CEP152: variants seen among roughly 807,000 people sequenced by gnomAD.
The protein encoded by CEP152 is centrosomal protein of 152 kDa.
Under a neutral mutation model 188.9 loss-of-function variants are expected in CEP152, and 132 were observed. The ratio of observed to expected loss-of-function variants is 0.70; its 90% CI spans 0.61 to 0.81. CEP152 has a LOEUF of 0.81. Among genes scored for constraint, CEP152 ranks in the 30% least tolerant of loss-of-function variants. The pLI is 0.00. For missense variants in CEP152, 1,914 were observed against 1,969.8 expected, an observed-to-expected ratio of 0.97 and a Z score of 0.54; for synonymous variants, 649 against 666.6, an observed-to-expected ratio of 0.97 and a Z score of 0.41.
At position 48,798,075 on chromosome 15, in the gene CEP152, T is replaced by C. The variant is rs570752505; in HGVS notation, c.88-24A>G. The C allele has an allele frequency of 3.8e-6, 6 of 1,590,600 alleles. No individual in the cohort carries two copies. The African/African-American group carries it at 4.0e-5, about 11-fold the overall frequency. On this transcript the variant is annotated intron_variant, in intron 2 of 26. Transcript: ENST00000380950. ...AACTGAGTCAAAAGGTCTGCATCAATATCATACCAACTTAAACACAAGACA... is the reference window on the plus strand; with the variant it reads ...AACTGAGTCAAAAGGTCTGCATCAACATCATACCAACTTAAACACAAGACA...
intron 24 of CEP152, among the ~76,000 whole-genome samples, chr15:48,742,320 G>A (rs763975953): frequency 6.6e-6 from 1 of 152,144 alleles, no homozygotes; most frequent in Non-Finnish European, 1.5e-5. Context: ...AATGATGACA[G>A]CTACATATAG....
intron 1 of CEP152, among the ~76,000 whole-genome samples, chr15:48,807,729 A>G (rs1447471703): frequency 1.3e-5 from 2 of 152,170 alleles, no homozygotes; most frequent in Non-Finnish European, 2.9e-5. Flanking sequence ...TTTCTCCTTC[A>G]TTAAGTTAGA....
At chr15:48,754,777 T>G (rs765423219) in intron 20 of CEP152, among the ~76,000 whole-genome samples, 6 of 152,178 alleles carry the variant, frequency 3.9e-5, no homozygotes, top group Non-Finnish European at 7.3e-5. Flanking sequence ...CCCAAGGAAT[T>G]AGGCCGGGGA....
At chr15:48,756,714 C>T (rs1027724011) in intron 19 of CEP152, among the ~76,000 whole-genome samples, 161 bp from the exon 20 acceptor site, 3 of 152,042 alleles carry the variant, frequency 2.0e-5, no homozygotes, top group Admixed American at 6.6e-5. Context: ...AAAAACTATA[C>T]TTACACTAAA....
At chr15:48,796,940 A>G (rs1279315761) in intron 5 of CEP152, among the ~76,000 whole-genome samples, 1 of 152,240 alleles carries the variant, frequency 6.6e-6, no homozygotes, top group African/African-American at 2.4e-5. Flanking sequence ...ACACAGAATT[A>G]CTGCTTTAAA....
intron 10 of CEP152, 120 bp downstream of exon 10, chr15:48,783,846 TAAAGAAA>T: frequency 1.5e-6 from 1 of 645,986 alleles, no homozygotes; most frequent in Admixed American, 3.2e-5. Context: ...TTCTTTTTTT[TAAAGAAA>T]TTTATTGCTG....
Position 48,756,488 on chromosome 15 carries a change from A to G in CEP152, c.2760T>C (p.Asn920=), listed in dbSNP as rs1894283748. The G allele has an allele frequency of 1.2e-6, 2 of 1,612,362 alleles. No homozygotes were observed. Among genetic ancestry groups the G allele is most frequent in the African/African-American group, 1.3e-5 (1 of 74,874 alleles). The change falls in exon 20 of 27, where the codon AAT becomes AAC. Residue 920 remains asparagine, a synonymous_variant. Coordinates refer to ENST00000380950, the MANE Select transcript of CEP152 (RefSeq NM_001194998.2). The part of the protein sequence containing the change: ...WKSELENMRK[N]ILPGKELEEK... Reference sequence around the variant, plus strand: ...CTTCCAATTCCTTTCCAGGAAGTATATTTTTCCTCATATTTTCAAGCTCAC... The same window carrying G: ...CTTCCAATTCCTTTCCAGGAAGTATGTTTTTCCTCATATTTTCAAGCTCAC...
At chr15:48,751,147 T>G (rs558868804) in intron 21 of CEP152, among the ~76,000 whole-genome samples, 12 of 152,326 alleles carry the variant, frequency 7.9e-5, no homozygotes, top group Middle Eastern at 3.4e-3. Flanking sequence ...TTTGTATTAT[T>G]TAATCCTTTC....
chr15:48,793,758 G>A (rs1897130426), intron 6 of CEP152, among the ~76,000 whole-genome samples: 1 of 152,184 alleles, frequency 6.6e-6, no homozygotes, highest in African/African-American at 2.4e-5. Flanking sequence ...GTCACTGATA[G>A]GAAAGTTTGA....
intron 9 of CEP152, among the ~76,000 whole-genome samples, chr15:48,787,169 T>TG (rs1555425521): frequency 1.3e-4 from 18 of 140,236 alleles, no homozygotes; most frequent in East Asian, 4.0e-4. Flanking sequence ...CTTCGTTTTT[T>TG]TTTTTTTTTT....
intron 12 of CEP152, 68 bp from the exon 13 acceptor site, chr15:48,772,759 G>A: frequency 5.2e-6 from 7 of 1,344,808 alleles, no homozygotes; most frequent in Non-Finnish European, 7.4e-6. Context: ...TTCCCTAAAA[G>A]CACTGACCAC....
chr15:48,742,154 A>C lies in CEP152; in HGVS notation c.3836-54T>G. 3.3e-6 allele frequency: 5 copies of C among 1,531,438 alleles called. No individual in the cohort carries two copies. In the South Asian group the frequency reaches 5.6e-5, roughly 17 times the overall value. The allele number at this position is 1,531,438 out of a possible 1,614,324, so 94.9% of individuals were successfully genotyped here. A position where few individuals can be genotyped will look rare whatever the true frequency, so the allele number is the denominator to read the frequency against. ...AATGTATGTTTATTAGCACTTTTTC[A>C]GAAACAGGAGGGGCAGACTTCAGAT... On this transcript the variant is annotated intron_variant, in intron 24 of 26. Transcript: ENST00000380950.
intron 20 of CEP152, among the ~76,000 whole-genome samples, chr15:48,755,434 C>T (rs1450392337): frequency 6.6e-6 from 1 of 151,676 alleles, no homozygotes; most frequent in African/African-American, 2.4e-5. Context: ...GTGGTCAGGC[C>T]CAGAAAACAG....
At chr15:48,786,700 A>G (rs1896656595) in intron 9 of CEP152, among the ~76,000 whole-genome samples, 2 of 152,184 alleles carry the variant, frequency 1.3e-5, no homozygotes, top group African/African-American at 4.8e-5. Flanking sequence ...ATAATAAAAC[A>G]AAGTAAAAAT....
intron 9 of CEP152, 73 bp from the exon 10 acceptor site, chr15:48,784,193 A>AT: frequency 2.2e-5 from 30 of 1,372,468 alleles, no homozygotes; most frequent in Non-Finnish European, 2.8e-5. Flanking sequence ...AAATTATGAT[A>AT]CATAATTAGA....
chr15:48,769,299 T>C (rs941899322), intron 13 of CEP152, among the ~76,000 whole-genome samples: 2 of 152,180 alleles, frequency 1.3e-5, no homozygotes, highest in Non-Finnish European at 2.9e-5. Context: ...TACAAATGTC[T>C]CCAATTTGCC....
chr15:48,753,693 T>C (rs1383120254), intron 20 of CEP152, among the ~76,000 whole-genome samples: 1 of 152,238 alleles, frequency 6.6e-6, no homozygotes, highest in African/African-American at 2.4e-5. Flanking sequence ...AACAACCTTT[T>C]TGTCTCAGTT....
At position 48,767,034 on chromosome 15, in the gene CEP152, C is replaced by T. The variant is rs571295917; in HGVS notation, c.2280+26G>A. On this transcript the variant is annotated intron_variant, in intron 17 of 26. Transcript: ENST00000380950. The stretch of plus-strand genomic sequence containing the variant: ...TGAGGCTTGAAGAGTGAAAGGATGT[C>T]GATACAACATAAACTTGTACTGTAC... 19 of 1,610,782 alleles carry T rather than the reference C, an allele frequency of 1.2e-5. No individual in the cohort carries two copies. In the Admixed American group the frequency reaches 2.3e-4, roughly 20 times the overall value.
intron 2 of CEP152, among the ~76,000 whole-genome samples, chr15:48,798,548 G>A (rs1897476742): frequency 6.6e-6 from 1 of 152,152 alleles, no homozygotes; most frequent in Non-Finnish European, 1.5e-5. Flanking sequence ...CTCTGATAAT[G>A]TAGAAACCCG....
Sources: allele counts gnomAD v4.1 joint callset (sites outside exome capture counted in the v4.1 genomes callset), GRCh38; gene constraint gnomAD v4.1.1; transcripts MANE v1.5; gene names NCBI Gene and HGNC (gene_info 2026-07-23, HGNC 2026-07-21).